The following FRMD4A variants were observed in gnomAD, a reference collection of about 807,000 sequenced individuals.
FRMD4A encodes the protein FERM domain-containing protein 4A.
Under a neutral mutation model 129.1 loss-of-function variants are expected in FRMD4A, and 29 were observed. The ratio of observed to expected loss-of-function variants is 0.22; its 90% CI spans 0.17 to 0.31. The LOEUF (loss-of-function observed/expected upper bound fraction) is 0.31, where lower values mean the gene tolerates loss of function less well. Among genes scored for constraint, FRMD4A ranks in the 10% least tolerant of loss-of-function variants. The pLI is 1.00. For missense variants in FRMD4A, 1,272 were observed against 1,375.8 expected, an observed-to-expected ratio of 0.92 and a Z score of 1.19; for synonymous variants, 634 against 571.6, an observed-to-expected ratio of 1.11 and a Z score of -1.56.
At chr10:13,720,798 G>T (rs751999783) in intron 12 of FRMD4A, among the ~76,000 whole-genome samples, 4 of 152,202 alleles carry the variant, frequency 2.6e-5, no homozygotes, top group Admixed American at 6.5e-5. Context: ...TGCAGATACA[G>T]AAGTCAGGGG....
intron 2 of FRMD4A, among the ~76,000 whole-genome samples, chr10:14,175,476 C>T (rs1841686450): frequency 6.6e-6 from 1 of 151,428 alleles, no homozygotes; most frequent in Admixed American, 6.6e-5. Context: ...TCTACACCAA[C>T]TCTATCACCT....
chr10:14,144,525 T>A (rs1040617956), intron 2 of FRMD4A, among the ~76,000 whole-genome samples: 4 of 152,182 alleles, frequency 2.6e-5, no homozygotes, highest in Non-Finnish European at 2.9e-5. Context: ...AAAACCCTGA[T>A]GAGTTTCTGC....
At chr10:13,889,305 A>C (rs1460155349) in intron 2 of FRMD4A, among the ~76,000 whole-genome samples, 1 of 152,056 alleles carries the variant, frequency 6.6e-6, no homozygotes, top group South Asian at 2.1e-4. Flanking sequence ...TTCCTTGGCA[A>C]CTCTTGCATA....
Position 13,796,543 on chromosome 10 carries a change from A to C in FRMD4A, c.252T>G (p.His84Gln), listed in dbSNP as rs771250746. ...CGGGTCCTGACTTTTTAGGGAAGTC[A>C]TGTTCCAATACTCTTCGATCTAGCT... ...WLQLDRRVLE[H>Q]DFPKKSGPVV... Residue 84 changes from histidine (H) to glutamine (Q), a missense_variant, in exon 5 of 25, where the codon CAT becomes CAG. Around this residue, in one of 2 missense-constraint regions of FRMD4A, gnomAD observed 300 missense variants for 483.6 expected, o/e 0.62. Transcript: ENST00000357447. 1 of 1,604,020 alleles carries C rather than the reference A, an allele frequency of 6.2e-7. No individual in the cohort carries two copies. Among genetic ancestry groups the C allele is most frequent in the Admixed American group, 1.7e-5 (1 of 60,020 alleles).
At chr10:13,739,080 A>C (rs1398512157) in intron 11 of FRMD4A, among the ~76,000 whole-genome samples, 1 of 152,202 alleles carries the variant, frequency 6.6e-6, no homozygotes, top group African/African-American at 2.4e-5. Flanking sequence ...TAAATAACCT[A>C]ATACAACCCC....
At chr10:13,778,511 A>T (rs2130765716) in intron 6 of FRMD4A, among the ~76,000 whole-genome samples, 1 of 152,190 alleles carries the variant, frequency 6.6e-6, no homozygotes, top group Admixed American at 6.5e-5. Flanking sequence ...GTTATTCTGA[A>T]CATTTGTAAT....
Position 14,149,247 on chromosome 10 carries a change from G to C in FRMD4A, c.45+180811C>G, listed in dbSNP as rs534032997. Reference sequence around the variant, plus strand: ...GGCAACCATATGTCTCCTTTAATATGCCTAATATTTAAATATTAGTTATAA... The same window carrying C: ...GGCAACCATATGTCTCCTTTAATATCCCTAATATTTAAATATTAGTTATAA... On this transcript the variant is annotated intron_variant, in intron 2 of 24. Transcript: ENST00000357447. 3.3e-5 allele frequency among the ~76,000 whole-genome samples: 5 copies of C among 152,236 alleles called. No individual in the cohort carries two copies. In the South Asian group the frequency reaches 1.0e-3, roughly 32 times the overall value.
intron 2 of FRMD4A, among the ~76,000 whole-genome samples, chr10:14,136,382 T>G (rs1180585718): frequency 2.0e-5 from 3 of 152,124 alleles, no homozygotes; most frequent in Non-Finnish European, 4.4e-5. Context: ...TCTGTTGAAT[T>G]TCACCCTTGA....
chr10:13,656,745 G>A lies in FRMD4A; in HGVS notation c.2844C>T (p.Thr948=). Residue 948 remains threonine (T), a synonymous_variant, in exon 22 of 25, where the codon ACC becomes ACT. Coordinates refer to ENST00000357447, the MANE Select transcript of FRMD4A (RefSeq NM_018027.5). ...AGCCGCTGTCCGAGGAGGTGGAGCT[G>A]GTGTGCGACAGGCGGCTGTGCTCCT... ...SHKEHSRLSH[T]SSTSSDSGSQ... 1 of 1,598,420 alleles carries A rather than the reference G, an allele frequency of 6.3e-7. No individual in the cohort carries two copies. The highest frequency in any genetic ancestry group is 8.5e-7 in the Non-Finnish European group (1 of 1,173,536).
intron 2 of FRMD4A, among the ~76,000 whole-genome samples, chr10:13,919,306 A>T (rs965477117): frequency 6.6e-6 from 1 of 152,202 alleles, no homozygotes; most frequent in Non-Finnish European, 1.5e-5. Context: ...TTCAGTCATC[A>T]TGGTACTAAT....
In FRMD4A at chr10:13,781,102, A is replaced by T. The variant is rs183359304; in HGVS notation, c.384+1820T>A. Among the ~76,000 whole-genome samples the T allele has an allele frequency of 3.9e-5, 6 of 152,208 alleles. No individual in the cohort carries two copies. In the South Asian group the frequency reaches 1.0e-3, roughly 26 times the overall value. On this transcript the variant is annotated intron_variant, in intron 6 of 24. Coordinates refer to ENST00000357447, the MANE Select transcript of FRMD4A (RefSeq NM_018027.5). ...CAGATCACCTGAGCCCAGGAGTTTG[A>T]GACCAGCCTGGCCAACATGGTGAAA...
At chr10:14,247,146 C>T (rs915107568) in intron 2 of FRMD4A, among the ~76,000 whole-genome samples, 12 of 152,240 alleles carry the variant, frequency 7.9e-5, no homozygotes, top group African/African-American at 7.2e-5. Flanking sequence ...TCAAACTTGC[C>T]GATCCCCGCT....
At chr10:14,133,257 AG>A (rs1340733603) in intron 2 of FRMD4A, among the ~76,000 whole-genome samples, 1 of 152,228 alleles carries the variant, frequency 6.6e-6, no homozygotes, top group Non-Finnish European at 1.5e-5. Flanking sequence ...ACTTTGTTAA[AG>A]CCTGAAGGCT....
chr10:14,295,975 G>C (rs1452649411), intron 2 of FRMD4A, among the ~76,000 whole-genome samples: 2 of 152,002 alleles, frequency 1.3e-5, no homozygotes, highest in East Asian at 3.9e-4. Flanking sequence ...CTTTGCCTAG[G>C]TGCTTTATTA....
At chr10:13,731,597 T>G (rs1428901129) in intron 12 of FRMD4A, among the ~76,000 whole-genome samples, 2 of 141,572 alleles carry the variant, frequency 1.4e-5, no homozygotes, top group Non-Finnish European at 3.0e-5. Context: ...TGCAGTGAGC[T>G]GAGATCACAC....
At chr10:14,191,639 G>T (rs1361547414) in intron 2 of FRMD4A, among the ~76,000 whole-genome samples, 6 of 152,178 alleles carry the variant, frequency 3.9e-5, no homozygotes, top group African/African-American at 1.4e-4. Flanking sequence ...CATCATAAAA[G>T]CGATATTCCA....
intron 8 of FRMD4A, among the ~76,000 whole-genome samples, chr10:13,751,778 A>G (rs1317250474): frequency 6.6e-6 from 1 of 152,220 alleles, no homozygotes; most frequent in African/African-American, 2.4e-5. Context: ...TGGGAGGCCA[A>G]GGTGGGAGGA....
chr10:13,974,338 G>A (rs972739430), intron 2 of FRMD4A, among the ~76,000 whole-genome samples: 14 of 152,070 alleles, frequency 9.2e-5, no homozygotes, highest in African/African-American at 3.4e-4. Context: ...TACCATTTGC[G>A]GGGATGAGTG....
Position 13,827,055 on chromosome 10 carries a change from T to C in FRMD4A, c.112-16147A>G, listed in dbSNP as rs74124503. Among the ~76,000 whole-genome samples, 1,041 of 152,196 alleles carry C rather than the reference T, an allele frequency of 6.8e-3. 14 individuals carry two copies. Among genetic ancestry groups the C allele is most frequent in the African/African-American group, 0.023 (969 of 41,512 alleles). On this transcript the variant is annotated intron_variant, in intron 3 of 24. Transcript: ENST00000357447. ...TTACGGAATTCAAAATAGCACAGAA[T>C]AGGGGGATTAGGAACTTAAGTAAGA...
Sources: gnomAD v4.1 joint callset for allele counts (sites outside exome capture counted in the v4.1 genomes callset) on GRCh38, gnomAD v4.1.1 for gene constraint, gnomAD v4.1.1 regional missense constraint, MANE v1.5 for transcripts, NCBI Gene and HGNC (gene_info 2026-07-23, HGNC 2026-07-21) for gene names.